CAMK4: variants seen among roughly 807,000 people sequenced by gnomAD.
The protein encoded by CAMK4 is calcium/calmodulin-dependent protein kinase type IV.
A neutral mutation model predicts 44.9 loss-of-function variants in CAMK4; 22 were observed. That is an observed-to-expected ratio of 0.49 (90% confidence interval 0.35 to 0.70). The LOEUF (loss-of-function observed/expected upper bound fraction) is 0.70. Ranked by LOEUF, CAMK4 falls within the 30% of genes least tolerant of loss-of-function variation. The probability of loss-of-function intolerance (pLI) is 0.01; values close to 1 mark genes in which losing one functional copy is unlikely to be tolerated. For synonymous variants in CAMK4, 218 were observed against 215.4 expected (o/e 1.01, Z -0.11); for missense variants, 498 against 586.8 (o/e 0.85, Z 1.56).
At chr5:111,229,611 T>C (rs917924925) in intron 1 of CAMK4, among the ~76,000 whole-genome samples, 13 of 152,216 alleles carry the variant, frequency 8.5e-5, no homozygotes, top group African/African-American at 2.9e-4. Flanking sequence ...CTTAGATCCT[T>C]GATTTTTTCC....
chr5:111,407,075 C>T (rs534293104), intron 5 of CAMK4, among the ~76,000 whole-genome samples: 29 of 152,064 alleles, frequency 1.9e-4, no homozygotes, highest in Non-Finnish European at 1.0e-4. Flanking sequence ...AACACAAGGC[C>T]GGGTGCGATG....
intron 2 of CAMK4, among the ~76,000 whole-genome samples, chr5:111,364,174 G>T (rs1750702987): frequency 7.1e-6 from 1 of 141,512 alleles, no homozygotes; most frequent in Non-Finnish European, 1.5e-5. Flanking sequence ...GATGGTAAGG[G>T]ACTGAGAGAC....
chr5:111,369,776 C>T (rs886763738), intron 2 of CAMK4, among the ~76,000 whole-genome samples: 1 of 152,116 alleles, frequency 6.6e-6, no homozygotes, highest in Non-Finnish European at 1.5e-5. Flanking sequence ...TATGAACGTG[C>T]TCTAATATTC....
chr5:111,490,777 T>A lies in CAMK4; in HGVS notation c.*6311T>A, dbSNP rs1391266064. ...TTACGGCACCCTTAAGTCTCAGTAA[T>A]ATTTTAAAAGTCCTCTATAAGCCAA... On this transcript the variant is annotated 3_prime_UTR_variant, in exon 11 of 11. Transcript: ENST00000282356. 1.3e-5 allele frequency: 2 copies of A among 152,198 alleles called. No homozygotes were observed. The highest frequency in any genetic ancestry group is 2.4e-5 in the African/African-American group (1 of 41,436). The allele number at this position is 152,198 out of a possible 1,614,324, so 9.4% of individuals were successfully genotyped here. A position where few individuals can be genotyped will look rare whatever the true frequency, so the allele number is the denominator to read the frequency against.
chr5:111,452,722 A>G (rs1754279520), intron 7 of CAMK4, among the ~76,000 whole-genome samples: 1 of 152,194 alleles, frequency 6.6e-6, no homozygotes, highest in Admixed American at 6.5e-5. Context: ...CTTATTTTCT[A>G]TTATTATTTT....
At chr5:111,413,356 A>G (rs946096195) in intron 5 of CAMK4, among the ~76,000 whole-genome samples, 2 of 152,090 alleles carry the variant, frequency 1.3e-5, no homozygotes, top group Non-Finnish European at 2.9e-5. Context: ...AGGCAGGCAG[A>G]TCTCGAGGTC....
At chr5:111,407,713 C>T (rs192639010) in intron 5 of CAMK4, among the ~76,000 whole-genome samples, 1 of 152,298 alleles carries the variant, frequency 6.6e-6, no homozygotes, top group African/African-American at 2.4e-5. Flanking sequence ...AAATCATGAA[C>T]AAGGAATTCT....
intron 4 of CAMK4, among the ~76,000 whole-genome samples, chr5:111,392,399 A>G (rs183931442): frequency 2.2e-4 from 33 of 152,210 alleles, no homozygotes; most frequent in African/African-American, 7.7e-4. Context: ...ATCCTCCCCC[A>G]TGATCCAATC....
At chr5:111,408,690 G>A (rs1752523806) in intron 5 of CAMK4, among the ~76,000 whole-genome samples, 2 of 152,142 alleles carry the variant, frequency 1.3e-5, no homozygotes, top group African/African-American at 4.8e-5. Context: ...TCTCAGCTGA[G>A]ACAAAGCAAG....
chr5:111,389,410 G>C (rs527747954), intron 4 of CAMK4, among the ~76,000 whole-genome samples: 108 of 152,296 alleles, frequency 7.1e-4, no homozygotes, highest in African/African-American at 2.4e-3. Flanking sequence ...AAATACAGAA[G>C]ATATTTAGGC....
rs187124551 is a variant in CAMK4 at position 111,312,145 on chromosome 5, C to G, written c.162-31879C>G. 9.9e-4 allele frequency among the ~76,000 whole-genome samples: 150 copies of G among 152,182 alleles called. 1 individual carries two copies. The highest frequency in any genetic ancestry group is 4.2e-3 in the Admixed American group (64 of 15,272). On this transcript the variant is annotated intron_variant, in intron 1 of 10. Transcript: ENST00000282356. ...CTCTATTTCATTGTGAGGTGATGCACCCTGCAACCTGGCCAAATGCTTTCT... is the reference window on the plus strand; with the variant it reads ...CTCTATTTCATTGTGAGGTGATGCAGCCTGCAACCTGGCCAAATGCTTTCT...
At chr5:111,275,662 T>G (rs1320746477) in intron 1 of CAMK4, among the ~76,000 whole-genome samples, 2 of 152,132 alleles carry the variant, frequency 1.3e-5, no homozygotes, top group African/African-American at 4.8e-5. Flanking sequence ...AAGAAGTTGG[T>G]TAATGGGTAC....
At chr5:111,392,550 A>G (rs1381815330) in intron 4 of CAMK4, among the ~76,000 whole-genome samples, 1 of 152,172 alleles carries the variant, frequency 6.6e-6, no homozygotes, top group Non-Finnish European at 1.5e-5. Context: ...ACTAATGTTA[A>G]AAACATGAAA....
At chr5:111,285,316 A>G (rs1751196744) in intron 1 of CAMK4, among the ~76,000 whole-genome samples, 1 of 152,230 alleles carries the variant, frequency 6.6e-6, no homozygotes, top group Non-Finnish European at 1.5e-5. Flanking sequence ...GAATCCTACG[A>G]AATTTATGGT....
chr5:111,224,409 G>T lies in CAMK4; in HGVS notation c.-75G>T, dbSNP rs548464045. ...CTCTCTCGCTCCTGCGTTCGCAGGC[G>T]GCGGCTGGCGGCCGGCTTCTCGCTC... On this transcript the variant is annotated 5_prime_UTR_variant, in exon 1 of 11. Transcript: ENST00000282356. This position sits in a 1 kb window ranked among gnomAD's most constrained non-coding sequence, Gnocchi z 5.7. 5.4e-6 allele frequency: 8 copies of T among 1,482,342 alleles called. No homozygotes were observed. The highest frequency in any genetic ancestry group is 4.4e-5 in the African/African-American group (3 of 67,582). 91.8% of individuals were successfully genotyped at this position (1,482,342 alleles called of 1,614,324 possible). A position where few individuals can be genotyped will look rare whatever the true frequency, so the allele number is the denominator to read the frequency against.
At chr5:111,418,477 A>G (rs1397921596) in intron 5 of CAMK4, among the ~76,000 whole-genome samples, 1 of 151,880 alleles carries the variant, frequency 6.6e-6, no homozygotes, top group Non-Finnish European at 1.5e-5. Flanking sequence ...GTTTTAGGGT[A>G]CATGTGCACA....
At chr5:111,444,442 G>A (rs866346296) in intron 5 of CAMK4, among the ~76,000 whole-genome samples, 5 of 152,094 alleles carry the variant, frequency 3.3e-5, no homozygotes, top group African/African-American at 1.2e-4. Context: ...TGATGCTAAG[G>A]TGGTATCCCC....
chr5:111,228,726 C>G (rs1023751666), intron 1 of CAMK4, among the ~76,000 whole-genome samples: 1 of 152,136 alleles, frequency 6.6e-6, no homozygotes, highest in Non-Finnish European at 1.5e-5. Context: ...CTGTTGTAGG[C>G]CATAAATCTG....
In CAMK4 at chr5:111,487,013, T is replaced by G. The variant is rs1294417892; in HGVS notation, c.*2547T>G. ...AGTCAAATTATTCAAAGATTTCATA[T>G]ACATACATCCTAAGTTAGGATAATT... On this transcript the variant is annotated 3_prime_UTR_variant, in exon 11 of 11. Transcript: ENST00000282356. 1.3e-5 allele frequency: 2 copies of G among 152,208 alleles called. No homozygotes were observed. Among genetic ancestry groups the G allele is most frequent in the South Asian group, 4.1e-4 (2 of 4,832 alleles). The allele number at this position is 152,208 out of a possible 1,614,324, so 9.4% of individuals were successfully genotyped here.
Sources: allele counts gnomAD v4.1 joint callset (sites outside exome capture counted in the v4.1 genomes callset), GRCh38; gene constraint gnomAD v4.1.1; non-coding constraint Gnocchi (gnomAD v3.1); transcripts MANE v1.5; gene names NCBI Gene and HGNC (gene_info 2026-07-23, HGNC 2026-07-21).